The following RPUSD1 variants were observed in gnomAD, a reference collection of about 807,000 sequenced individuals.
The protein encoded by RPUSD1 is RNA pseudouridine synthase domain containing 1.
RPUSD1 carries 28 observed loss-of-function variants against 22.4 expected under a neutral mutation model. That is an observed-to-expected ratio of 1.25 (90% CI 0.93 to 1.72). The LOEUF is 1.72. Among genes scored for constraint, RPUSD1 ranks in the 40% most tolerant of loss-of-function variants. RPUSD1 has a pLI of 0.00. For synonymous variants in RPUSD1, 298 were observed against 201.0 expected (o/e 1.48, Z -4.08); for missense variants, 596 against 442.2 (o/e 1.35, Z -3.12).
Position 787,598 on chromosome 16 carries a change from CGGTACCGCAGCTGCTTCTGCAG to C in RPUSD1, c.118_139del (p.Leu40AlafsTer32). The C allele has an allele frequency of 6.2e-7, 1 of 1,611,306 alleles. No individual in the cohort carries two copies. Among genetic ancestry groups the C allele is most frequent in the Non-Finnish European group, 8.5e-7 (1 of 1,179,912 alleles). On this transcript the variant is annotated frameshift_variant, in exon 2 of 6. Transcript: ENST00000007264. LOFTEE classifies it high-confidence loss of function. ...GTCAGGGTCGGCCAGCTCGGGAAAG[CGGTACCGCAGCTGCTTCTGCAG>C]GGTCAGAGTCTCCCGCCACGCCTTG... is the stretch of plus-strand genomic sequence containing the variant.
rs781101844 is a variant in RPUSD1, at chr16:786,947, G to A, written c.410-19C>T. On this transcript the variant is annotated intron_variant, in intron 4 of 5. Transcript: ENST00000007264. ...TCACAACCTGGGGCGCAGAAGGCAG[G>A]TGTGAGGTTAGTGGGACTGACCCGG... is the stretch of plus-strand genomic sequence containing the variant. 1.6e-5 allele frequency: 25 copies of A among 1,609,546 alleles called. No individual in the cohort carries two copies. Among genetic ancestry groups the A allele is most frequent in the East Asian group, 1.1e-4 (5 of 44,848 alleles).
intron 3 of RPUSD1, 78 bp from the exon 4 acceptor site, chr16:787,257 C>T (rs1473550428): frequency 6.5e-7 from 1 of 1,549,348 alleles, no homozygotes; most frequent in Non-Finnish European, 8.7e-7. Flanking sequence ...ACCAAGCAAC[C>T]ACGTAGAGCG....
Position 788,275 on chromosome 16 carries a change from TC to T in RPUSD1, c.-28del. 3.6e-6 allele frequency: 1 copy of T among 278,602 alleles called. No homozygotes were observed. Among genetic ancestry groups the T allele is most frequent in the South Asian group, 2.9e-5 (1 of 35,024 alleles). The allele number at this position is 278,602 out of a possible 1,614,324, so 17.3% of individuals were successfully genotyped here. On this transcript the variant is annotated 5_prime_UTR_variant, in exon 1 of 6. Transcript: ENST00000007264. ...ACCAACCTGCTGCCGGGCCGTGCAG[TC>T]CAGGCCCCCGATGCCGTGCCCGGCG... is the stretch of plus-strand genomic sequence containing the variant.
rs1412558312 is a variant in RPUSD1, at chr16:786,372, T to C, written c.517A>G (p.Thr173Ala). ...CTGCAGTGCACGCGCAGCTGGTGTGTCCGGCCTGCGGGATGAGGGCGGTGC... is the reference window on the plus strand; with the variant it reads ...CTGCAGTGCACGCGCAGCTGGTGTGCCCGGCCTGCGGGATGAGGGCGGTGC... The part of the protein sequence containing the change: ...KVLLKPLTGR[T>A]HQLRVHCSAL... The change falls in exon 6 of 6, where the codon ACA becomes GCA. Residue 173 changes from threonine to alanine, a missense_variant. By Grantham distance (58) the Thr-to-Ala change is moderately conservative. Coordinates refer to ENST00000007264, the MANE Select transcript of RPUSD1 (RefSeq NM_058192.3). The C allele has an allele frequency of 1.2e-6, 2 of 1,604,088 alleles. No individual in the cohort carries two copies. Among genetic ancestry groups the C allele is most frequent in the Admixed American group, 3.3e-5 (2 of 59,834 alleles).
In RPUSD1 at chr16:787,692, G is replaced by A. The variant is rs774382612; in HGVS notation, c.46C>T (p.Arg16Cys). The change falls in exon 2 of 6, where the codon CGC (arginine) becomes TGC (cysteine). Residue 16 changes from arginine (R) to cysteine (C), a missense_variant. By Grantham distance (180) the Arg-to-Cys change is radical. Transcript: ENST00000007264. ...VENLSIVYRS[R>C]DFLVVNKHWD... is the part of the protein sequence containing the mutation. ...TGCTTGTTGACCACCAGGAAGTCGC[G>A]GCTCCGGTACACGATGGACAGGTTC... 82 of 1,611,958 alleles carry A rather than the reference G, an allele frequency of 5.1e-5. No individual in the cohort carries two copies. Among genetic ancestry groups the A allele is most frequent in the Non-Finnish European group, 6.7e-5 (79 of 1,179,944 alleles).
In RPUSD1 at chr16:785,007, G is replaced by C. The variant is rs554103161; in HGVS notation, c.*943C>G. 1 of 152,480 alleles carries C rather than the reference G, an allele frequency of 6.6e-6. No individual in the cohort carries two copies. The highest frequency in any genetic ancestry group is 2.1e-4 in the South Asian group (1 of 4,840). The allele number at this position is 152,480 out of a possible 1,614,324, so 9.4% of individuals were successfully genotyped here. ...GCCAGTCACTGAACATTTATTTGGA[G>C]TCCCTGGAGCCCTGCTGTAGCCAGG... On this transcript the variant is annotated 3_prime_UTR_variant, in exon 6 of 6. Transcript: ENST00000007264.
intron 3 of RPUSD1, 70 bp downstream of exon 3, chr16:787,284 G>C: frequency 1.9e-6 from 3 of 1,547,698 alleles, no homozygotes; most frequent in Non-Finnish European, 2.6e-6. Flanking sequence ...GAGGCTCTGA[G>C]CCAGGGCTGC....
chr16:786,405 A>C (rs1402738882), intron 5 of RPUSD1, 28 bp from the exon 6 acceptor site: 1 of 1,586,500 alleles, frequency 6.3e-7, no homozygotes, highest in Non-Finnish European at 8.6e-7. Flanking sequence ...TGCCGGATCA[A>C]GCTGGGAGCG....
At chr16:787,829 C>T (rs529864040) in intron 1 of RPUSD1, 85 bp from the exon 2 acceptor site, 2 of 1,436,856 alleles carry the variant, frequency 1.4e-6, no homozygotes, top group South Asian at 2.5e-5. Context: ...ACCGCCCCAC[C>T]CGGGCTCCGG....
Position 785,221 on chromosome 16 carries a change from T to C in RPUSD1, c.*729A>G, listed in dbSNP as rs914861310. 1.3e-5 allele frequency: 2 copies of C among 152,354 alleles called. No individual in the cohort carries two copies. The highest frequency in any genetic ancestry group is 2.9e-5 in the Non-Finnish European group (2 of 68,138). The allele number at this position is 152,354 out of a possible 1,614,324, so 9.4% of individuals were successfully genotyped here. On this transcript the variant is annotated 3_prime_UTR_variant, in exon 6 of 6. Transcript: ENST00000007264. ...TGGTGCTCACAGTGGATCTGAGGGA[T>C]GGGCGTGCGTGGCAGGGCCTTGGCC...
chr16:786,328 C>T lies in RPUSD1; in HGVS notation c.561G>A (p.Val187=). Residue 187 remains valine, a synonymous_variant, in exon 6 of 6, where the codon GTG becomes GTA. Coordinates refer to ENST00000007264, the MANE Select transcript of RPUSD1 (RefSeq NM_058192.3). The stretch of plus-strand genomic sequence containing the variant: ...CTTCTCCGTAGGTCAGGTCGCCCAC[C>T]ACGGGGTGGCCCAGGGCACTGCAGT... ...RVHCSALGHP[V]VGDLTYGEVS... 2.5e-6 allele frequency: 4 copies of T among 1,612,546 alleles called. No individual in the cohort carries two copies. The highest frequency in any genetic ancestry group is 3.4e-6 in the Non-Finnish European group (4 of 1,179,832).
Position 785,910 on chromosome 16 carries a change from C to G in RPUSD1, c.*40G>C. On this transcript the variant is annotated 3_prime_UTR_variant, in exon 6 of 6. Coordinates refer to ENST00000007264, the MANE Select transcript of RPUSD1 (RefSeq NM_058192.3). ...TCGCTCGCCCATCTCCCTAGAGTCC[C>G]GCTGTGCAGCTGACACCCCCTGCCC... 1.4e-6 allele frequency: 2 copies of G among 1,411,258 alleles called. No individual in the cohort carries two copies. Among genetic ancestry groups the G allele is most frequent in the Non-Finnish European group, 1.8e-6 (2 of 1,081,482 alleles). 87.4% of individuals were successfully genotyped at this position (1,411,258 alleles called of 1,614,324 possible). A position where few individuals can be genotyped will look rare whatever the true frequency, so the allele number is the denominator to read the frequency against.
intron 5 of RPUSD1, 100 bp downstream of exon 5, chr16:786,727 G>C (rs749940546): frequency 4.1e-6 from 4 of 982,382 alleles, no homozygotes; most frequent in South Asian, 3.8e-5. Context: ...CTTGTTGCCA[G>C]CTCTGCCCTG....
Position 787,002 on chromosome 16 carries a change from C to T in RPUSD1, c.410-74G>A, listed in dbSNP as rs369430480. On this transcript the variant is annotated intron_variant, in intron 4 of 5. Transcript: ENST00000007264. ...CAGGCCCACCCCAACGCACGATGCC[C>T]GCCCGGTGGGTCCCTGCCTGCCCAG... 4.7e-5 allele frequency: 74 copies of T among 1,564,600 alleles called. 1 individual carries two copies. The East Asian group carries it at 5.9e-4, about 13-fold the overall frequency.
In RPUSD1 at chr16:788,308, C is replaced by G. The variant is rs929957346; in HGVS notation, c.-60G>C. ...CCCGATGCCGTGCCCGGCGCCGGCT[C>G]CAGCCGCGCGCCCGCGCGCTGGCGA... On this transcript the variant is annotated 5_prime_UTR_variant, in exon 1 of 6. Coordinates refer to ENST00000007264, the MANE Select transcript of RPUSD1 (RefSeq NM_058192.3). The G allele has an allele frequency of 3.0e-4, 69 of 226,668 alleles. No homozygotes were observed. Among genetic ancestry groups the G allele is most frequent in the Admixed American group, 5.7e-4 (9 of 15,760 alleles). 14.0% of individuals were successfully genotyped at this position (226,668 alleles called of 1,614,324 possible). A position where few individuals can be genotyped will look rare whatever the true frequency, so the allele number is the denominator to read the frequency against.
chr16:788,367 T>G lies in RPUSD1; in HGVS notation c.-119A>C. 5.5e-6 allele frequency: 1 copy of G among 181,088 alleles called. No individual in the cohort carries two copies. Among genetic ancestry groups the G allele is most frequent in the Non-Finnish European group, 1.1e-5 (1 of 90,548 alleles). 11.2% of individuals were successfully genotyped at this position (181,088 alleles called of 1,614,324 possible). On this transcript the variant is annotated 5_prime_UTR_variant, in exon 1 of 6. Transcript: ENST00000007264. ...CCCTGGAAGCTCCGCTCCGGACGCC[T>G]GGCAGCGCTTCCGCCCTGCACCGCT... is the stretch of plus-strand genomic sequence containing the variant.
At position 786,002 on chromosome 16, in the gene RPUSD1, C is replaced by T. The variant is rs769369748; in HGVS notation, c.887G>A (p.Arg296Gln). The change falls in exon 6 of 6, where the codon CGG becomes CAG. Residue 296 changes from arginine (R) to glutamine (Q), a missense_variant. Transcript: ENST00000007264. ...CGACAGCCACTGCAGGCAGGGGCCCCGCTGTGCCTCAGTCTCAGGGGGCTT... is the reference window on the plus strand; with the variant it reads ...CGACAGCCACTGCAGGCAGGGGCCCTGCTGTGCCTCAGTCTCAGGGGGCTT... ...PTKPPETEAQRGPCLQWLSEW... is the reference protein window; with the variant it reads ...PTKPPETEAQQGPCLQWLSEW... 34 of 1,465,538 alleles carry T rather than the reference C, an allele frequency of 2.3e-5. No homozygotes were observed. Among genetic ancestry groups the T allele is most frequent in the African/African-American group, 1.7e-4 (12 of 70,740 alleles). 90.8% of individuals were successfully genotyped at this position (1,465,538 alleles called of 1,614,324 possible). A position where few individuals can be genotyped will look rare whatever the true frequency, so the allele number is the denominator to read the frequency against.
At chr16:787,243 T>A in intron 3 of RPUSD1, 64 bp from the exon 4 acceptor site, 1 of 1,553,964 alleles carries the variant, frequency 6.4e-7, no homozygotes. Flanking sequence ...GGAGCCCACC[T>A]AACACCAAGC....
chr16:786,427 C>T (rs890264595), intron 5 of RPUSD1, 50 bp from the exon 6 acceptor site: 2 of 1,552,522 alleles, frequency 1.3e-6, no homozygotes, highest in Non-Finnish European at 8.7e-7. Flanking sequence ...GGCCGATCCA[C>T]ACCTATCTCC....
Sources: allele counts gnomAD v4.1 joint callset, GRCh38; gene constraint gnomAD v4.1.1; transcripts MANE v1.5; gene names NCBI Gene and HGNC (gene_info 2026-07-23, HGNC 2026-07-21).